CIZ1: variants seen among roughly 807,000 people sequenced by gnomAD.
CIZ1 encodes the protein CDKN1A interacting zinc finger protein 1, also known as cip1-interacting zinc finger protein.
Under a neutral mutation model 118.6 loss-of-function variants are expected in CIZ1, and 58 were observed. That is an observed-to-expected ratio of 0.49 (90% CI 0.40 to 0.61). CIZ1 has a LOEUF of 0.61. Among genes scored for constraint, CIZ1 ranks in the 20% least tolerant of loss-of-function variants. CIZ1 has a pLI of 0.00. For missense variants in CIZ1, 921 were observed against 1,115.9 expected (o/e 0.83, Z 2.49); for synonymous variants, 448 against 443.4 (o/e 1.01, Z -0.13).
chr9:128,195,845 C>G (rs955417742), upstream of CIZ1, among the ~76,000 whole-genome samples: 1 of 152,212 alleles, frequency 6.6e-6, no homozygotes, highest in African/African-American at 2.4e-5. Context: ...CCTTCCCCAG[C>G]CTCTGAAATC....
chr9:128,201,947 C>G (rs539112203), intron 1 of CIZ1, among the ~76,000 whole-genome samples: 3 of 152,320 alleles, frequency 2.0e-5, no homozygotes, highest in Non-Finnish European at 4.4e-5. Flanking sequence ...TGATCACCAT[C>G]TTCACAATAG....
intron 6 of CIZ1, 79 bp downstream of exon 6, chr9:128,180,642 C>T: frequency 7.4e-7 from 1 of 1,358,118 alleles, no homozygotes; most frequent in East Asian, 2.3e-5. Context: ...CCCACACCTG[C>T]CTCTATCACC....
At chr9:128,194,362 CAAAAAAAAA>C (rs757286334), upstream of CIZ1, among the ~76,000 whole-genome samples, 2 of 74,188 alleles carry the variant, frequency 2.7e-5, no homozygotes, top group Non-Finnish European at 5.4e-5. Context: ...AACTCCATCT[CAAAAAAAAA>C]AAAAAAAAAA....
chr9:128,199,137 G>A (rs1211590180), intron 1 of CIZ1, among the ~76,000 whole-genome samples: 2 of 151,550 alleles, frequency 1.3e-5, no homozygotes, highest in East Asian at 3.9e-4. Context: ...GGAGGCCGAG[G>A]TGAGTGGATC....
At chr9:128,198,818 G>A (rs7028510) in intron 1 of CIZ1, among the ~76,000 whole-genome samples, 5,220 of 150,578 alleles carry the variant, frequency 0.035, 272 homozygotes, top group African/African-American at 0.11. Flanking sequence ...GCGACAGAGC[G>A]AGACTCCATC....
intron 1 of CIZ1, among the ~76,000 whole-genome samples, chr9:128,200,680 A>G (rs554123054): frequency 9.3e-5 from 14 of 150,760 alleles, no homozygotes; most frequent in African/African-American, 3.2e-4. Flanking sequence ...AGAAAGAAAT[A>G]CAAAAAATTA....
intron 14 of CIZ1, 88 bp from the exon 15 acceptor site, chr9:128,167,252 C>A: frequency 1.1e-6 from 1 of 942,290 alleles, no homozygotes; most frequent in South Asian, 1.7e-5. Context: ...CACCAATGCC[C>A]TTGGACACAC....
At chr9:128,174,565 C>T (rs1363381336) in intron 11 of CIZ1, among the ~76,000 whole-genome samples, 2 of 152,094 alleles carry the variant, frequency 1.3e-5, no homozygotes, top group African/African-American at 2.4e-5. Context: ...CTTACAACCG[C>T]GAAGAACCCC....
intron 9 of CIZ1, among the ~76,000 whole-genome samples, chr9:128,178,084 C>T (rs1831094424): frequency 1.3e-5 from 2 of 152,180 alleles, no homozygotes; most frequent in African/African-American, 2.4e-5. Context: ...TCTGTGCTCT[C>T]TCCACGAGAG....
At position 128,179,338 on chromosome 9, in the gene CIZ1, G is replaced by A. The variant is rs757117833; in HGVS notation, c.869C>T (p.Pro290Leu). The A allele has an allele frequency of 1.3e-5, 21 of 1,613,952 alleles. No homozygotes were observed. The highest frequency in any genetic ancestry group is 2.2e-5 in the East Asian group (1 of 44,886). ...CAGGTCTGGTGTCTGTGTCTGTTTCGGTACTGTCATCCGGGCCTGCGGCTG... is the reference window on the plus strand; with the variant it reads ...CAGGTCTGGTGTCTGTGTCTGTTTCAGTACTGTCATCCGGGCCTGCGGCTG... ...KAQPQARMTVPKQTQTPDLLP... is the reference protein window; with the variant it reads ...KAQPQARMTVLKQTQTPDLLP... The change falls in exon 8 of 17, where the codon CCG becomes CTG. Residue 290 changes from proline to leucine, a missense_variant. Coordinates refer to ENST00000372938, the MANE Select transcript of CIZ1 (RefSeq NM_001131016.2).
chr9:128,197,342 C>T (rs1292610332), intron 1 of CIZ1: 1 of 152,308 alleles, frequency 6.6e-6, no homozygotes, highest in Non-Finnish European at 1.5e-5. Context: ...TCCAGTGAGG[C>T]ACCCAGCATA....
intron 1 of CIZ1, among the ~76,000 whole-genome samples, chr9:128,201,129 G>A (rs1833501667): frequency 6.6e-6 from 1 of 152,000 alleles, no homozygotes; most frequent in South Asian, 2.1e-4. Context: ...TTAGCCGGGC[G>A]TGGTGGCACG....
In CIZ1 at chr9:128,180,143, G is replaced by A. The variant is rs527470339; in HGVS notation, c.791+272C>T. ...GCTTTGTAAATGGCCTGCCCACTAC[G>A]GTCCCAGATGAACGTCTTCACCCCT... On this transcript the variant is annotated intron_variant, in intron 7 of 16. Transcript: ENST00000372938. Among the ~76,000 whole-genome samples the A allele has an allele frequency of 3.9e-5, 6 of 152,158 alleles. 1 individual carries two copies. The highest frequency in any genetic ancestry group is 1.9e-4 in the East Asian group (1 of 5,162).
intron 11 of CIZ1, among the ~76,000 whole-genome samples, chr9:128,170,519 G>A (rs1034173347): frequency 1.3e-5 from 2 of 152,180 alleles, no homozygotes; most frequent in African/African-American, 4.8e-5. Context: ...CAGGCATGGT[G>A]GCTCATGCAC....
rs930920478 is a variant in CIZ1 at position 128,179,077 on chromosome 9, G to C, written c.1130C>G (p.Pro377Arg). The C allele has an allele frequency of 3.1e-6, 5 of 1,613,630 alleles. No individual in the cohort carries two copies. In the African/African-American group the frequency reaches 6.7e-5, roughly 22 times the overall value. ...TGAATGTGCCTGTGGCTGTACCTGT[G>C]GCTGCACCTGCTTCTGTGGCTCTGC... Reference protein sequence around the residue: ...QEAEPQKQVQPQVQPQAHSQG... With the variant: ...QEAEPQKQVQRQVQPQAHSQG... The change falls in exon 8 of 17, where the codon CCA (proline) becomes CGA (arginine). Residue 377 changes from proline (P) to arginine (R), a missense_variant. Transcript: ENST00000372938.
At chr9:128,167,292 G>C in intron 14 of CIZ1, 128 bp from the exon 15 acceptor site, 1 of 686,132 alleles carries the variant, frequency 1.5e-6, no homozygotes, top group Non-Finnish European at 2.4e-6. Context: ...GGAGGTAGTG[G>C]GTGGCATTCT....
At chr9:128,169,776 C>A (rs1829910392) in intron 12 of CIZ1, 1 of 1,427,776 alleles carries the variant, frequency 7.0e-7, no homozygotes, top group African/African-American at 1.4e-5. Flanking sequence ...GGGCAGCTGC[C>A]CAAATAACCC....
At chr9:128,191,909 G>T, upstream of CIZ1, 1 of 1,439,912 alleles carries the variant, frequency 6.9e-7, no homozygotes, top group Middle Eastern at 1.8e-4. The surrounding 1 kb of genome is among the most constrained non-coding windows in gnomAD (Gnocchi z 5.5). Context: ...GGGCTGCGGT[G>T]AGAGGGGGCG....
chr9:128,166,321 G>T lies in CIZ1; in HGVS notation c.2573C>A (p.Ala858Asp). 1 of 1,568,480 alleles carries T rather than the reference G, an allele frequency of 6.4e-7. No individual in the cohort carries two copies. Among genetic ancestry groups the T allele is most frequent in the Non-Finnish European group, 8.6e-7 (1 of 1,156,196 alleles). The part of the protein sequence containing the change: ...CAINARNALT[A>D]LFTSSGRPPS... ...TGGGCGGCCGCTGGAGGTGAACAGG[G>T]CTGTCAAAGCGTTCCGGGCGTTGAT... The change falls in exon 17 of 17, where the codon GCC becomes GAC. Residue 858 changes from alanine (A) to aspartate (D), a missense_variant. Physicochemically the swap from Ala to Asp is moderately radical, Grantham distance 126 (BLOSUM62 -2). Coordinates refer to ENST00000372938, the MANE Select transcript of CIZ1 (RefSeq NM_001131016.2). The surrounding 1 kb of genome is among the most constrained non-coding windows in gnomAD (Gnocchi z 4.4).
Sources: gnomAD v4.1 joint callset for allele counts (sites outside exome capture counted in the v4.1 genomes callset) on GRCh38, gnomAD v4.1.1 for gene constraint, Gnocchi (gnomAD v3.1) non-coding constraint, MANE v1.5 for transcripts, NCBI Gene and HGNC (gene_info 2026-07-23, HGNC 2026-07-21) for gene names.